ASL: variants seen among roughly 807,000 people sequenced by gnomAD.
ASL encodes the protein argininosuccinase.
A neutral mutation model predicts 69.1 loss-of-function variants in ASL; 51 were observed. That is an observed-to-expected ratio of 0.74 (90% CI 0.59 to 0.93). The LOEUF (loss-of-function observed/expected upper bound fraction) is 0.93, where lower values mean the gene tolerates loss of function less well. ASL is among the 40% of genes least tolerant of loss of function. The pLI, the probability that ASL is intolerant of heterozygous loss-of-function variation, is 0.00. For synonymous variants in ASL, 241 were observed against 247.6 expected (o/e 0.97, Z 0.25); for missense variants, 540 against 623.9 (o/e 0.87, Z 1.43).
At chr7:66,087,477 T>A in intron 9 of ASL, 91 bp downstream of exon 9, 1 of 1,461,802 alleles carries the variant, frequency 6.8e-7, no homozygotes, top group Non-Finnish European at 9.4e-7. Flanking sequence ...GGCAGGGGCC[T>A]GTGGCTCCTG....
intron 2 of ASL, among the ~76,000 whole-genome samples, chr7:66,078,649 T>TATG (rs1786415717): frequency 6.6e-6 from 1 of 151,848 alleles, no homozygotes; most frequent in African/African-American, 2.4e-5. Flanking sequence ...TTATTATTAT[T>TATG]TTTAAGAAGG....
rs1229462593 is a variant in ASL, at chr7:66,087,602, T to C, written c.656-127T>C. The C allele has an allele frequency of 1.8e-5, 19 of 1,040,978 alleles. No individual in the cohort carries two copies. The South Asian group carries it at 2.1e-4, about 12-fold the overall frequency. The allele number at this position is 1,040,978 out of a possible 1,614,324, so 64.5% of individuals were successfully genotyped here. On this transcript the variant is annotated intron_variant, in intron 9 of 16. Transcript: ENST00000304874. Reference sequence around the variant, plus strand: ...GGCTCCTGCCTCCCTCCTGGGACTGTGCAAAAGATCCCTCCCCCCAGCTGT... The same window carrying C: ...GGCTCCTGCCTCCCTCCTGGGACTGCGCAAAAGATCCCTCCCCCCAGCTGT...
Position 66,076,050 on chromosome 7 carries a change from C to T in ASL, c.-32C>T. ...GTCTTGTCTTCCAGACCCGGAGGAC[C>T]GAAGCTTCCGGACGACGAGGAACCG... is the stretch of plus-strand genomic sequence containing the variant. On this transcript the variant is annotated 5_prime_UTR_variant, in exon 2 of 17. Transcript: ENST00000304874. The T allele has an allele frequency of 6.3e-7, 1 of 1,594,072 alleles. No homozygotes were observed.
intron 13 of ASL, 87 bp from the exon 14 acceptor site, chr7:66,089,525 G>A: frequency 2.0e-6 from 3 of 1,502,622 alleles, no homozygotes; most frequent in Non-Finnish European, 2.8e-6. Flanking sequence ...GAAGGCAGTG[G>A]GGATGCCTCA....
At chr7:66,090,858 G>A (rs1441816687) in intron 14 of ASL, among the ~76,000 whole-genome samples, 1 of 152,074 alleles carries the variant, frequency 6.6e-6, no homozygotes, top group African/African-American at 2.4e-5. Context: ...ATCAATTTGC[G>A]AGACTAAGGT....
chr7:66,081,579 C>T (rs1158840525), intron 2 of ASL, among the ~76,000 whole-genome samples: 1 of 115,358 alleles, frequency 8.7e-6, no homozygotes, highest in Non-Finnish European at 1.8e-5. Context: ...GACTCTGTCT[C>T]AAAAAAAAAA....
intron 3 of ASL, among the ~76,000 whole-genome samples, 154 bp downstream of exon 3, chr7:66,082,151 A>C (rs1786522268): frequency 6.6e-6 from 1 of 152,136 alleles, no homozygotes; most frequent in African/African-American, 2.4e-5. Flanking sequence ...TGCCTTGATG[A>C]CTGCCTCTCT....
At chr7:66,092,481 AG>A in intron 15 of ASL, 75 bp from the exon 16 acceptor site, 1 of 1,277,030 alleles carries the variant, frequency 7.8e-7, no homozygotes, top group Non-Finnish European at 1.1e-6. Context: ...AAAAAAAGGA[AG>A]GGGGTGCAGG....
At chr7:66,079,572 T>C (rs769472500) in intron 2 of ASL, among the ~76,000 whole-genome samples, 1 of 152,220 alleles carries the variant, frequency 6.6e-6, no homozygotes. Context: ...CTGGGCAACA[T>C]AGTGAGACCC....
At chr7:66,076,235 C>G in intron 2 of ASL, 142 bp downstream of exon 2, 3 of 1,099,592 alleles carry the variant, frequency 2.7e-6, no homozygotes, top group Non-Finnish European at 4.0e-6. Context: ...GCACCCCCAG[C>G]CCTCCCGGGC....
Position 66,088,856 on chromosome 7 carries a change from G to A in ASL, c.768G>A (p.Met256Ile), listed in dbSNP as rs1185655998. The A allele has an allele frequency of 1.9e-6, 3 of 1,614,048 alleles. No homozygotes were observed. Among genetic ancestry groups the A allele is most frequent in the Non-Finnish European group, 2.5e-6 (3 of 1,180,008 alleles). Reference sequence around the variant, plus strand: ...TGTGCATGACCCATCTCAGCAGGATGGCCGAGGACCTCATCCTCTACTGCA... The same window carrying A: ...TGTGCATGACCCATCTCAGCAGGATAGCCGAGGACCTCATCCTCTACTGCA... ...ASLCMTHLSR[M>I]AEDLILYCTK... Residue 256 changes from methionine to isoleucine, a missense_variant, in exon 11 of 17, where the codon ATG (methionine) becomes ATA (isoleucine). Coordinates refer to ENST00000304874, the MANE Select transcript of ASL (RefSeq NM_000048.4).
At chr7:66,084,081 G>A (rs1029704626) in intron 6 of ASL, among the ~76,000 whole-genome samples, 1 of 152,146 alleles carries the variant, frequency 6.6e-6, no homozygotes, top group East Asian at 1.9e-4. Flanking sequence ...CCAGCAGGTG[G>A]TGTGGGGCTG....
In ASL at chr7:66,089,114, A is replaced by G. The variant is rs28941472; in HGVS notation, c.857A>G (p.Gln286Arg). Reference sequence around the variant, plus strand: ...AGCACGGGAAGCAGCCTGATGCCCCAGAAGAAAAACCCCGACAGTTTGGAG... The same window carrying G: ...AGCACGGGAAGCAGCCTGATGCCCCGGAAGAAAAACCCCGACAGTTTGGAG... Reference protein sequence around the residue: ...AYSTGSSLMPQKKNPDSLELI... With the variant: ...AYSTGSSLMPRKKNPDSLELI... Residue 286 changes from glutamine (Q) to arginine (R), a missense_variant, in exon 12 of 17, where the codon CAG becomes CGG. Physicochemically the swap from Gln to Arg is conservative, Grantham distance 43 (BLOSUM62 1). Transcript: ENST00000304874. The G allele has an allele frequency of 9.1e-5, 147 of 1,613,784 alleles. No individual in the cohort carries two copies. The highest frequency in any genetic ancestry group is 1.6e-4 in the South Asian group (15 of 91,088).
intron 14 of ASL, 141 bp downstream of exon 14, chr7:66,089,836 T>C: frequency 2.2e-6 from 2 of 904,908 alleles, no homozygotes; most frequent in Non-Finnish European, 3.5e-6. Context: ...CTCCTGCTCC[T>C]GGGGAACAGG....
At chr7:66,082,063 C>T in intron 3 of ASL, 66 bp downstream of exon 3, 6 of 1,540,164 alleles carry the variant, frequency 3.9e-6, no homozygotes, top group Non-Finnish European at 5.3e-6. Flanking sequence ...CCACCAAATC[C>T]CTGAGCAAAC....
In ASL at chr7:66,092,015, G is replaced by A; in HGVS notation, c.1072G>A (p.Glu358Lys). 1 of 1,613,608 alleles carries A rather than the reference G, an allele frequency of 6.2e-7. No homozygotes were observed. Among genetic ancestry groups the A allele is most frequent in the Non-Finnish European group, 8.5e-7 (1 of 1,180,028 alleles). The change falls in exon 15 of 17, where the codon GAG becomes AAG. Residue 358 changes from glutamate to lysine, a missense_variant. Transcript: ENST00000304874. ...GVISTLQIHQENMGQALSPDM... is the reference protein window; with the variant it reads ...GVISTLQIHQKNMGQALSPDM... ...CCACCTGTGCCCCCAGATTCACCAA[G>A]AGAACATGGGACAGGCTCTCAGCCC...
intron 13 of ASL, 118 bp from the exon 14 acceptor site, chr7:66,089,494 G>T: frequency 2.2e-6 from 3 of 1,374,668 alleles, no homozygotes; most frequent in Non-Finnish European, 3.0e-6. Flanking sequence ...CTTTGTTGGG[G>T]TATTGAGTGT....
rs761651320 is a variant in ASL at position 66,087,368 on chromosome 7, C to T, written c.637C>T (p.Arg213Ter). The T allele has an allele frequency of 1.4e-5, 22 of 1,606,586 alleles. No individual in the cohort carries two copies. Among genetic ancestry groups the T allele is most frequent in the South Asian group, 1.1e-4 (10 of 91,068 alleles). ...TGCAGGCAATCCCCTGGGTGTGGAC[C>T]GAGAGCTGCTCCGAGCAGGTGAGAC... Reference protein sequence around the residue: ...AIAGNPLGVDRELLRAELNFG... With the variant: ...AIAGNPLGVD Residue 213 changes from arginine to a stop codon, truncating the protein, a stop_gained, in exon 9 of 17, where the codon CGA (arginine) becomes TGA (stop). Transcript: ENST00000304874. LOFTEE classifies it high-confidence loss of function.
At position 66,082,935 on chromosome 7, in the gene ASL, A is replaced by C; in HGVS notation, c.347A>C (p.Gln116Pro). ...KLHTGRSRNDQVVTDLRLWMR... is the reference protein window; with the variant it reads ...KLHTGRSRNDPVVTDLRLWMR... Reference sequence around the variant, plus strand: ...CACACGGGACGGAGCCGGAATGACCAGGTGCTTTAGCCCCTCCACCCCCTG... The same window carrying C: ...CACACGGGACGGAGCCGGAATGACCCGGTGCTTTAGCCCCTCCACCCCCTG... Residue 116 changes from glutamine (Q) to proline (P), a missense_variant and splice_region_variant, in exon 5 of 17, where the codon CAG becomes CCG. By Grantham distance (76) the Gln-to-Pro change is moderately conservative. Coordinates refer to ENST00000304874, the MANE Select transcript of ASL (RefSeq NM_000048.4). The C allele has an allele frequency of 6.2e-7, 1 of 1,613,690 alleles. No individual in the cohort carries two copies. Among genetic ancestry groups the C allele is most frequent in the Non-Finnish European group, 8.5e-7 (1 of 1,179,988 alleles).
Sources: gnomAD v4.1 joint callset for allele counts (sites outside exome capture counted in the v4.1 genomes callset) on GRCh38, gnomAD v4.1.1 for gene constraint, MANE v1.5 for transcripts, NCBI Gene and HGNC (gene_info 2026-07-23, HGNC 2026-07-21) for gene names.